The following ITGB8 variants were observed in gnomAD, a reference collection of about 807,000 sequenced individuals.
The protein encoded by ITGB8 is integrin subunit beta 8.
Under a neutral mutation model 89.5 loss-of-function variants are expected in ITGB8, and 30 were observed. That is an observed-to-expected ratio of 0.34 (90% CI 0.25 to 0.45). ITGB8 has a LOEUF of 0.45. Ranked by LOEUF, ITGB8 falls within the 20% of genes least tolerant of loss-of-function variation. The probability of loss-of-function intolerance (pLI) is 1.00; values close to 1 mark genes in which losing one functional copy is unlikely to be tolerated. For synonymous variants in ITGB8, 335 were observed against 320.4 expected, an observed-to-expected ratio of 1.05 and a Z score of -0.49; for missense variants, 836 against 933.3, an observed-to-expected ratio of 0.90 and a Z score of 1.36.
chr7:20,398,796 C>T (rs887360101), intron 8 of ITGB8, 64 bp from the exon 9 acceptor site: 1 of 1,185,172 alleles, frequency 8.4e-7, no homozygotes, highest in Non-Finnish European at 1.1e-6. Flanking sequence ...ATAAGCTTGA[C>T]TCTGCTTTGT....
chr7:20,413,333 C>T lies in ITGB8; in HGVS notation c.*3336C>T, dbSNP rs994098129. 8 of 152,502 alleles carry T rather than the reference C, an allele frequency of 5.2e-5. No homozygotes were observed. Among genetic ancestry groups the T allele is most frequent in the African/African-American group, 1.9e-4 (8 of 41,432 alleles). The allele number at this position is 152,502 out of a possible 1,614,324, so 9.4% of individuals were successfully genotyped here. Reference sequence around the variant, plus strand: ...AATTTGTGGATGCATGAGATGCAATCCTTCAAAGAATGAATCTGAAATATA... The same window carrying T: ...AATTTGTGGATGCATGAGATGCAATTCTTCAAAGAATGAATCTGAAATATA... On this transcript the variant is annotated 3_prime_UTR_variant, in exon 14 of 14. Transcript: ENST00000222573.
intron 1 of ITGB8, among the ~76,000 whole-genome samples, chr7:20,336,151 A>T (rs982119993): frequency 2.6e-5 from 4 of 151,066 alleles, no homozygotes; most frequent in African/African-American, 9.7e-5. Flanking sequence ...GACTACAGGC[A>T]CCCGCCACCA....
At chr7:20,348,613 G>C (rs966504837) in intron 1 of ITGB8, among the ~76,000 whole-genome samples, 8 of 152,216 alleles carry the variant, frequency 5.3e-5, no homozygotes, top group African/African-American at 1.2e-4. Flanking sequence ...TGTCCATGGT[G>C]GAGGTAGTGA....
intron 6 of ITGB8, among the ~76,000 whole-genome samples, chr7:20,386,100 G>C (rs951456183): frequency 2.0e-5 from 3 of 152,148 alleles, no homozygotes; most frequent in African/African-American, 7.2e-5. Context: ...TTTGTGCCAG[G>C]TATGGAATAC....
chr7:20,349,442 T>C (rs1377273841), intron 1 of ITGB8, among the ~76,000 whole-genome samples: 3 of 151,968 alleles, frequency 2.0e-5, no homozygotes, highest in Non-Finnish European at 4.4e-5. Flanking sequence ...TAAACTTACA[T>C]TGGTATCATT....
Position 20,347,290 on chromosome 7 carries a change from G to GCT in ITGB8, c.127+15357_127+15358insCT, listed in dbSNP as rs755535171. ...GAAATAATTCCAGGCGTTTTGTTTT[G>GCT]TTTTGACTTGATTGTTTAGTAGGGT... On this transcript the variant is annotated intron_variant, in intron 1 of 13. Coordinates refer to ENST00000222573, the MANE Select transcript of ITGB8 (RefSeq NM_002214.3). Among the ~76,000 whole-genome samples, 5 of 152,282 alleles carry GCT rather than the reference G, an allele frequency of 3.3e-5. No homozygotes were observed. In the East Asian group the frequency reaches 9.6e-4, roughly 29 times the overall value.
chr7:20,391,465 T>C lies in ITGB8; in HGVS notation c.1023T>C (p.Phe341=). ...TAGACAACAACATTAATGTCATCTT[T>C]GCAGTTCAAGGAAAACAATTTCATT... The part of the protein sequence containing the change: ...KLIDNNINVI[F]AVQGKQFHWY... The change falls in exon 7 of 14, where the codon TTT becomes TTC. Residue 341 remains phenylalanine, a synonymous_variant. Coordinates refer to ENST00000222573, the MANE Select transcript of ITGB8 (RefSeq NM_002214.3). 1.2e-6 allele frequency: 2 copies of C among 1,604,750 alleles called. No homozygotes were observed. Among genetic ancestry groups the C allele is most frequent in the Non-Finnish European group, 1.7e-6 (2 of 1,174,628 alleles).
chr7:20,381,770 T>A lies in ITGB8; in HGVS notation c.845T>A (p.Val282Glu). ...WRKEAKRLLLVMTDQTSHLAL... is the reference protein window; with the variant it reads ...WRKEAKRLLLEMTDQTSHLAL... ...AAAGAGGCTAAAAGATTGCTGCTGG[T>A]GATGACAGATCAGACGTCTCATCTC... The change falls in exon 6 of 14, where the codon GTG becomes GAG. Residue 282 changes from valine to glutamate, a missense_variant. Physicochemically the swap from Val to Glu is moderately radical, Grantham distance 121. Transcript: ENST00000222573. The A allele has an allele frequency of 6.2e-7, 1 of 1,613,800 alleles. No homozygotes were observed. Among genetic ancestry groups the A allele is most frequent in the East Asian group, 2.2e-5 (1 of 44,884 alleles).
At position 20,363,722 on chromosome 7, in the gene ITGB8, G is replaced by A; in HGVS notation, c.213G>A (p.Glu71=). The stretch of plus-strand genomic sequence containing the variant: ...CAGAATGTGGATGGTGTGTTCAAGA[G>A]GTGTGCCATTTTTTTTTTTCTTTTT... ...LGPECGWCVQ[E]DFISGGSRSE... The change falls in exon 2 of 14, where the codon GAG becomes GAA. Residue 71 remains glutamate (E), a splice_region_variant and synonymous_variant. Transcript: ENST00000222573. 6.5e-7 allele frequency: 1 copy of A among 1,529,388 alleles called. No individual in the cohort carries two copies. Among genetic ancestry groups the A allele is most frequent in the Admixed American group, 2.2e-5 (1 of 44,498 alleles). The allele number at this position is 1,529,388 out of a possible 1,614,324, so 94.7% of individuals were successfully genotyped here.
chr7:20,392,968 G>A (rs1419975869), intron 7 of ITGB8, among the ~76,000 whole-genome samples: 2 of 152,104 alleles, frequency 1.3e-5, no homozygotes, highest in Non-Finnish European at 2.9e-5. Context: ...CTATTGTCAG[G>A]CATTGAGTTT....
At chr7:20,353,978 T>TGGAA (rs1270471775) in intron 1 of ITGB8, among the ~76,000 whole-genome samples, 1 of 150,838 alleles carries the variant, frequency 6.6e-6, no homozygotes, top group Admixed American at 6.6e-5. Context: ...TCTGTGTTTG[T>TGGAA]GGAAACATAG....
chr7:20,380,056 C>T (rs900820837), intron 4 of ITGB8: 5 of 152,156 alleles, frequency 3.3e-5, no homozygotes, highest in African/African-American at 9.7e-5. Flanking sequence ...TCCAATTTAC[C>T]GAAACAGCTC....
chr7:20,350,094 G>A (rs1162734847), intron 1 of ITGB8, among the ~76,000 whole-genome samples: 1 of 152,084 alleles, frequency 6.6e-6, no homozygotes, highest in Non-Finnish European at 1.5e-5. Context: ...AGGGATTTTG[G>A]TGCCCCTTTT....
At position 20,331,698 on chromosome 7, in the gene ITGB8, A is replaced by C; in HGVS notation, c.-109A>C. The C allele has an allele frequency of 7.5e-7, 1 of 1,334,610 alleles. No homozygotes were observed. The highest frequency in any genetic ancestry group is 1.6e-5 in the South Asian group (1 of 62,862). 82.7% of individuals were successfully genotyped at this position (1,334,610 alleles called of 1,614,324 possible). The stretch of plus-strand genomic sequence containing the variant: ...GGGGTCCGCCTGCTAGGCCTGCGGA[A>C]AACGTCCTAGCGACACTCGGCCCGC... On this transcript the variant is annotated 5_prime_UTR_variant, in exon 1 of 14. Coordinates refer to ENST00000222573, the MANE Select transcript of ITGB8 (RefSeq NM_002214.3).
intron 2 of ITGB8, chr7:20,365,958 A>G (rs1240749612): frequency 6.6e-6 from 1 of 151,574 alleles, no homozygotes; most frequent in Non-Finnish European, 1.5e-5. Flanking sequence ...TGGCTTGAAT[A>G]ATTTTCAAGG....
At chr7:20,345,652 G>A (rs554123181) in intron 1 of ITGB8, among the ~76,000 whole-genome samples, 35 of 152,252 alleles carry the variant, frequency 2.3e-4, no homozygotes, top group African/African-American at 6.3e-4. Flanking sequence ...TAGCAGGATC[G>A]AAGGACTGGT....
rs1786410944 is a variant in ITGB8, at chr7:20,381,861, C to T, written c.936C>T (p.Asn312=). ...PNDGNCHLKN[N]VYVKSTTMEH... ...ACGGAAACTGTCATCTGAAAAACAA[C>T]GTCTATGTCAAATCGACAACCATGG... The change falls in exon 6 of 14, where the codon AAC becomes AAT. Residue 312 remains asparagine (N), a synonymous_variant. Coordinates refer to ENST00000222573, the MANE Select transcript of ITGB8 (RefSeq NM_002214.3). 7 of 1,613,008 alleles carry T rather than the reference C, an allele frequency of 4.3e-6. No individual in the cohort carries two copies. Among genetic ancestry groups the T allele is most frequent in the Non-Finnish European group, 5.9e-6 (7 of 1,179,714 alleles).
intron 12 of ITGB8, among the ~76,000 whole-genome samples, chr7:20,406,453 G>C (rs1358429096): frequency 6.6e-6 from 1 of 151,932 alleles, no homozygotes; most frequent in Non-Finnish European, 1.5e-5. Flanking sequence ...AGGAGGCATA[G>C]GCAGGAGAAT....
chr7:20,335,705 G>C (rs967555561), intron 1 of ITGB8, among the ~76,000 whole-genome samples: 5 of 152,128 alleles, frequency 3.3e-5, no homozygotes, highest in South Asian at 4.1e-4. Context: ...TTGTGAGCAG[G>C]CTTTCTTTAT....
Sources: gnomAD v4.1 joint callset for allele counts (sites outside exome capture counted in the v4.1 genomes callset) on GRCh38, gnomAD v4.1.1 for gene constraint, MANE v1.5 for transcripts, NCBI Gene and HGNC (gene_info 2026-07-23, HGNC 2026-07-21) for gene names.